AMPH: variants seen among roughly 807,000 people sequenced by gnomAD.
AMPH encodes amphiphysin (Stiff-Mann syndrome with breast cancer 128kD autoantigen).
Under a neutral mutation model 99.1 loss-of-function variants are expected in AMPH, and 49 were observed. The ratio of observed to expected loss-of-function variants is 0.49; its 90% CI spans 0.39 to 0.63. The LOEUF (loss-of-function observed/expected upper bound fraction) is 0.63. Among genes scored for constraint, AMPH ranks in the 20% least tolerant of loss-of-function variants. The pLI is 0.00. For missense variants in AMPH, 759 were observed against 863.4 expected (o/e 0.88, Z 1.52); for synonymous variants, 314 against 317.3 (o/e 0.99, Z 0.11).
intron 1 of AMPH, among the ~76,000 whole-genome samples, chr7:38,562,668 G>C (rs1165374775): frequency 6.6e-6 from 1 of 151,792 alleles, no homozygotes. Flanking sequence ...GGGAGAAGAG[G>C]GGAGGGAGAG....
intron 1 of AMPH, among the ~76,000 whole-genome samples, chr7:38,605,491 C>G (rs1028487821): frequency 3.9e-5 from 6 of 151,900 alleles, no homozygotes; most frequent in African/African-American, 1.2e-4. Flanking sequence ...AAGGTAGAGT[C>G]CATTTAATAT....
At chr7:38,563,647 G>A (rs1791631602) in intron 1 of AMPH, among the ~76,000 whole-genome samples, 1 of 152,094 alleles carries the variant, frequency 6.6e-6, no homozygotes, top group South Asian at 2.1e-4. Context: ...ACCTTGAGAA[G>A]AGCAATAATA....
intron 14 of AMPH, chr7:38,428,631 T>G (rs754450121): frequency 2.2e-6 from 1 of 456,686 alleles, no homozygotes; most frequent in South Asian, 1.5e-5. Flanking sequence ...ATCCCATCCC[T>G]CAGGGCTGCC....
intron 1 of AMPH, among the ~76,000 whole-genome samples, chr7:38,630,141 C>T (rs1177986621): frequency 6.6e-6 from 1 of 152,170 alleles, no homozygotes; most frequent in African/African-American, 2.4e-5. Flanking sequence ...TCCAGTAAAA[C>T]AGGAAAACGC....
intron 18 of AMPH, 42 bp downstream of exon 18, chr7:38,393,963 T>C: frequency 1.2e-6 from 2 of 1,601,642 alleles, no homozygotes; most frequent in Non-Finnish European, 1.7e-6. Flanking sequence ...CAGCCCATGC[T>C]ACTTCCCAGG....
chr7:38,465,665 G>A, intron 8 of AMPH, 116 bp from the exon 9 acceptor site: 1 of 873,802 alleles, frequency 1.1e-6, no homozygotes, highest in Non-Finnish European at 1.8e-6. Flanking sequence ...ATGATAGCTT[G>A]GATGGCCTCA....
intron 3 of AMPH, among the ~76,000 whole-genome samples, chr7:38,495,951 A>G (rs1373952481): frequency 6.6e-6 from 1 of 152,166 alleles, no homozygotes; most frequent in Admixed American, 6.5e-5. Flanking sequence ...TGAGAGCAAA[A>G]CAAGGGGCCA....
In AMPH at chr7:38,391,895, G is replaced by A. The variant is rs942539104; in HGVS notation, c.1731C>T (p.Pro577=). The A allele has an allele frequency of 2.5e-6, 4 of 1,612,552 alleles. No homozygotes were observed. The highest frequency in any genetic ancestry group is 3.4e-6 in the Non-Finnish European group (4 of 1,179,678). The change falls in exon 19 of 21, where the codon CCC becomes CCT. Residue 577 remains proline, a synonymous_variant. Transcript: ENST00000356264. ...ETTEDAAPPG[P]TSETPELATE... ...TAGCCAGCTCCGGTGTCTCGCTGGT[G>A]GGGCCCGGAGGAGCCGCGTCCTCGG...
intron 1 of AMPH, among the ~76,000 whole-genome samples, chr7:38,629,198 G>T (rs1056609656): frequency 6.6e-6 from 1 of 152,250 alleles, no homozygotes; most frequent in East Asian, 1.9e-4. Context: ...CATTTGGGCT[G>T]GGCTGCTTTA....
chr7:38,582,274 A>G (rs1182200096), intron 1 of AMPH, among the ~76,000 whole-genome samples: 1 of 152,184 alleles, frequency 6.6e-6, no homozygotes, highest in Non-Finnish European at 1.5e-5. Context: ...AGAGATGGAG[A>G]AGTGACCACT....
At chr7:38,397,917 A>G (rs955296672) in intron 17 of AMPH, among the ~76,000 whole-genome samples, 10 of 152,298 alleles carry the variant, frequency 6.6e-5, no homozygotes, top group Middle Eastern at 3.4e-3. Context: ...GCTCAACCTC[A>G]CTGATCATCA....
intron 1 of AMPH, among the ~76,000 whole-genome samples, chr7:38,599,409 T>C (rs1050701182): frequency 3.3e-5 from 5 of 152,210 alleles, no homozygotes; most frequent in African/African-American, 9.7e-5. Flanking sequence ...GAATAGTAAA[T>C]ATATTTTCTC....
intron 2 of AMPH, among the ~76,000 whole-genome samples, chr7:38,525,086 A>C (rs1790111436): frequency 1.3e-5 from 2 of 151,656 alleles, no homozygotes; most frequent in African/African-American, 4.9e-5. Context: ...TTTTAAATGA[A>C]GTTTCAATGA....
chr7:38,487,899 T>C (rs900828201), intron 5 of AMPH, among the ~76,000 whole-genome samples: 2 of 152,192 alleles, frequency 1.3e-5, no homozygotes, highest in African/African-American at 4.8e-5. Flanking sequence ...AAGACATTTA[T>C]GCAGCCAACA....
At chr7:38,525,244 T>TTGTG (rs757918305) in intron 2 of AMPH, among the ~76,000 whole-genome samples, 16 of 122,832 alleles carry the variant, frequency 1.3e-4, no homozygotes, top group East Asian at 4.8e-4. Flanking sequence ...ATATATGTAG[T>TTGTG]TGTGTGTGTG....
intron 6 of AMPH, among the ~76,000 whole-genome samples, chr7:38,476,593 T>A (rs1788092679): frequency 1.3e-5 from 2 of 152,208 alleles, no homozygotes; most frequent in Admixed American, 6.5e-5. Flanking sequence ...TCTAAGGAAG[T>A]GCAGACACAC....
At chr7:38,404,434 C>T (rs373460850) in intron 17 of AMPH, among the ~76,000 whole-genome samples, 5 of 152,246 alleles carry the variant, frequency 3.3e-5, no homozygotes, top group African/African-American at 9.6e-5. Context: ...CCCAGCCCCA[C>T]AGAAGACAGT....
intron 14 of AMPH, among the ~76,000 whole-genome samples, chr7:38,427,318 T>C (rs1001708858): frequency 3.9e-5 from 6 of 152,246 alleles, no homozygotes; most frequent in Non-Finnish European, 2.9e-5. Context: ...AGGCCATTGA[T>C]AGAATCTAGA....
intron 15 of AMPH, 21 bp downstream of exon 15, chr7:38,426,933 G>A (rs1357871401): frequency 3.1e-6 from 5 of 1,610,542 alleles, no homozygotes; most frequent in Non-Finnish European, 4.2e-6. Flanking sequence ...GATGGATCTT[G>A]TAAGAAAACA....
Sources: gnomAD v4.1 joint callset for allele counts (sites outside exome capture counted in the v4.1 genomes callset) on GRCh38, gnomAD v4.1.1 for gene constraint, MANE v1.5 for transcripts, NCBI Gene and HGNC (gene_info 2026-07-23, HGNC 2026-07-21) for gene names.